Variants in PTCHD1 observed in about 807,000 individuals in gnomAD.
PTCHD1 encodes the protein patched domain-containing protein 1.
PTCHD1 carries 3 observed loss-of-function variants against 34.6 expected under a neutral mutation model. That is an observed-to-expected ratio of 0.09 (90% CI 0.04 to 0.22). The LOEUF is 0.22. Among genes scored for constraint, PTCHD1 ranks in the 10% least tolerant of loss-of-function variants. The pLI is 1.00. For synonymous variants in PTCHD1, 305 were observed against 283.1 expected (o/e 1.08, Z -0.77); for missense variants, 504 against 685.5 (o/e 0.74, Z 2.96).
chrX:23,355,706 G>A (rs184572236), intron 1 of PTCHD1, among the ~76,000 whole-genome samples: 43 of 112,488 alleles, frequency 3.8e-4, no homozygotes, highest in African/African-American at 1.3e-3. Flanking sequence ...GAACCCAAAC[G>A]TAGTTTGAGA....
chrX:23,334,749 C>CTCGCCGCCGCCGCCG (rs1384034401), upstream of PTCHD1: 3 of 125,052 alleles, frequency 2.4e-5, no homozygotes, highest in Admixed American at 1.0e-4. Context: ...AGCTCAGGGT[C>CTCGCCGCCGCCGCCG]TCGCCGCCGC....
At chrX:23,353,362 G>GT (rs774832827) in intron 1 of PTCHD1, among the ~76,000 whole-genome samples, 54 of 112,583 alleles carry the variant, frequency 4.8e-4, no homozygotes, top group Non-Finnish European at 1.3e-4. Context: ...CGAGACAGGC[G>GT]TATCACCTGA....
chrX:23,365,955 G>A (rs1207845281), intron 1 of PTCHD1, among the ~76,000 whole-genome samples: 2 of 112,119 alleles, frequency 1.8e-5, no homozygotes, highest in African/African-American at 6.5e-5. Flanking sequence ...CCACACATCA[G>A]CTAAATCTAC....
chrX:23,356,204 A>G (rs1921797173), intron 1 of PTCHD1, among the ~76,000 whole-genome samples: 1 of 112,396 alleles, frequency 8.9e-6, no homozygotes. Context: ...GAATGTTTCT[A>G]TCTTGAGTAT....
Position 23,334,852 on chromosome X carries a change from C to G in PTCHD1, c.-24C>G. 1 of 1,100,715 alleles carries G rather than the reference C, an allele frequency of 9.1e-7. No homozygotes were observed. Among genetic ancestry groups the G allele is most frequent in the Non-Finnish European group, 1.2e-6 (1 of 829,743 alleles). 90.7% of individuals were successfully genotyped at this position (1,100,715 alleles called of 1,213,427 possible). ...CGCGCCGAGCGTGCGCCTCGCCCTC[C>G]TCCCGCGCCCGCTCTGCTCTAGGAT... On this transcript the variant is annotated 5_prime_UTR_variant, in exon 1 of 3. Transcript: ENST00000379361.
intron 1 of PTCHD1, among the ~76,000 whole-genome samples, chrX:23,360,512 T>A (rs1464138385): frequency 8.9e-6 from 1 of 112,063 alleles, no homozygotes; most frequent in Admixed American, 9.4e-5. Flanking sequence ...TATCATTTTT[T>A]AATGTGTCTA....
intron 1 of PTCHD1, among the ~76,000 whole-genome samples, chrX:23,342,216 T>G (rs1485012332): frequency 8.1e-5 from 8 of 98,833 alleles, no homozygotes; most frequent in African/African-American, 2.4e-4. Context: ...CTGATTCAAC[T>G]ACATTTAGAA....
At chrX:23,370,126 C>G in intron 1 of PTCHD1, among the ~76,000 whole-genome samples, 1 of 112,123 alleles carries the variant, frequency 8.9e-6, no homozygotes, top group Middle Eastern at 4.6e-3. Context: ...AATTTACATT[C>G]AATTTCTGAT....
At chrX:23,356,073 C>G (rs1306563015) in intron 1 of PTCHD1, among the ~76,000 whole-genome samples, 1 of 111,768 alleles carries the variant, frequency 8.9e-6, no homozygotes, top group African/African-American at 3.3e-5. Context: ...TCAGAATTAG[C>G]TAGTACTTTT....
chrX:23,336,491 C>T (rs959477390), intron 1 of PTCHD1, among the ~76,000 whole-genome samples: 3 of 111,643 alleles, frequency 2.7e-5, no homozygotes, highest in African/African-American at 9.8e-5. Flanking sequence ...TTCTTTTCCT[C>T]TACAGGTAAT....
chrX:23,384,391 C>A (rs1413668483), intron 2 of PTCHD1, among the ~76,000 whole-genome samples: 1 of 112,052 alleles, frequency 8.9e-6, no homozygotes, highest in Admixed American at 9.5e-5. Flanking sequence ...CCAGGCCACT[C>A]AGATTCAAGG....
At position 23,339,411 on chromosome X, in the gene PTCHD1, C is replaced by T. The variant is rs143250175; in HGVS notation, c.351+4185C>T. Among the ~76,000 whole-genome samples the T allele has an allele frequency of 1.7e-4, 19 of 111,870 alleles. No homozygotes were observed. The South Asian group carries it at 3.4e-3, about 20-fold the overall frequency. On this transcript the variant is annotated intron_variant, in intron 1 of 2. Transcript: ENST00000379361. ...ACTCAGAATGTTTTATTCCAAACCA[C>T]GGGAAGGACGCATCCTCACATAGCA... is the stretch of plus-strand genomic sequence containing the variant.
chrX:23,381,566 T>C (rs1922564743), intron 2 of PTCHD1, among the ~76,000 whole-genome samples: 1 of 112,128 alleles, frequency 8.9e-6, no homozygotes, highest in Non-Finnish European at 1.9e-5. Flanking sequence ...CGCTGTGTTG[T>C]GAGCACACGA....
intron 1 of PTCHD1, among the ~76,000 whole-genome samples, chrX:23,340,093 A>C (rs1337099289): frequency 9.0e-6 from 1 of 111,632 alleles, no homozygotes; most frequent in East Asian, 2.8e-4. Context: ...ACAACAACAA[A>C]ATTACCCAGC....
At chrX:23,350,458 G>A (rs909799431) in intron 1 of PTCHD1, among the ~76,000 whole-genome samples, 1 of 111,981 alleles carries the variant, frequency 8.9e-6, no homozygotes, top group East Asian at 2.8e-4. Flanking sequence ...GGATGATGCT[G>A]TGTTAACCAT....
Position 23,393,549 on chromosome X carries a change from G to A in PTCHD1, c.2031G>A (p.Val677=). 1 of 1,211,582 alleles carries A rather than the reference G, an allele frequency of 8.3e-7. No individual in the cohort carries two copies. The highest frequency in any genetic ancestry group is 1.8e-5 in the South Asian group (1 of 56,982). The stretch of plus-strand genomic sequence containing the variant: ...GGAGACTTTCTGTCACCTCCAAGGT[G>A]AAGTTCATCGTCTTCAATCCGTCCT... ...TLRRLSVTSK[V]KFIVFNPSFV... is the part of the protein sequence containing the mutation. Residue 677 remains valine, a synonymous_variant, in exon 3 of 3, where the codon GTG becomes GTA. Coordinates refer to ENST00000379361, the MANE Select transcript of PTCHD1 (RefSeq NM_173495.3).
intron 1 of PTCHD1, among the ~76,000 whole-genome samples, chrX:23,348,130 CTAGAGA>C (rs1247069117): frequency 5.4e-5 from 6 of 111,256 alleles, no homozygotes; most frequent in Admixed American, 2.9e-4. Context: ...AAAGGAAATG[CTAGAGA>C]TAAACACTGG....
intron 1 of PTCHD1, among the ~76,000 whole-genome samples, chrX:23,348,270 A>G (rs1161254514): frequency 1.8e-5 from 1 of 56,528 alleles, no homozygotes; most frequent in Non-Finnish European, 2.9e-5. Context: ...GTTAAAAGAG[A>G]AAAAAAAAAA....
chrX:23,361,215 T>C, intron 1 of PTCHD1, among the ~76,000 whole-genome samples: 1 of 111,688 alleles, frequency 9.0e-6, no homozygotes, highest in Non-Finnish European at 1.9e-5. Context: ...GTTAACCTTC[T>C]TTCTCATTGA....
Sources: gnomAD v4.1 joint callset for allele counts (sites outside exome capture counted in the v4.1 genomes callset) on GRCh38, gnomAD v4.1.1 for gene constraint, MANE v1.5 for transcripts, NCBI Gene and HGNC (gene_info 2026-07-23, HGNC 2026-07-21) for gene names.